Variants in TRMT11 observed in about 807,000 individuals in gnomAD.
TRMT11 encodes tRNA methyltransferase 11.
TRMT11 carries 53 observed loss-of-function variants against 62.8 expected under a neutral mutation model. The ratio of observed to expected loss-of-function variants is 0.84; its 90% CI spans 0.68 to 1.06. The LOEUF (loss-of-function observed/expected upper bound fraction) is 1.06, where lower values mean the gene tolerates loss of function less well. TRMT11 is among the 50% of genes least tolerant of loss of function. The probability of loss-of-function intolerance (pLI) is 0.00; values close to 1 mark genes in which losing one functional copy is unlikely to be tolerated. For synonymous variants in TRMT11, 188 were observed against 190.3 expected, an observed-to-expected ratio of 0.99 and a Z score of 0.10; for missense variants, 556 against 553.4, an observed-to-expected ratio of 1.00 and a Z score of -0.05.
chr6:126,159,382 A>G (rs967794682), intron 21 of TRMT11, among the ~76,000 whole-genome samples: 1 of 152,178 alleles, frequency 6.6e-6, no homozygotes, highest in Admixed American at 6.5e-5. Context: ...AGCCATAGAC[A>G]ATGCGTAAAC....
At chr6:126,012,688 A>G (rs1466321147) in intron 9 of TRMT11, 83 bp from the exon 10 acceptor site, 3 of 966,882 alleles carry the variant, frequency 3.1e-6, no homozygotes, top group African/African-American at 3.2e-5. Context: ...AGGGTGTCAC[A>G]TTTGAAGGCA....
At chr6:126,091,531 G>C (rs1241594548) in intron 17 of TRMT11, among the ~76,000 whole-genome samples, 1 of 151,998 alleles carries the variant, frequency 6.6e-6, no homozygotes, top group Non-Finnish European at 1.5e-5. Flanking sequence ...TGTGTTGGGG[G>C]AGGTGGCTGC....
At chr6:126,187,579 T>A (rs1446584342) in intron 1 of TRMT11, among the ~76,000 whole-genome samples, 1 of 152,026 alleles carries the variant, frequency 6.6e-6, no homozygotes, top group Admixed American at 6.6e-5. Flanking sequence ...CATACTTTTT[T>A]GGAGAAATGA....
At chr6:126,158,838 A>C (rs1463452597) in intron 21 of TRMT11, among the ~76,000 whole-genome samples, 2 of 152,104 alleles carry the variant, frequency 1.3e-5, no homozygotes, top group Non-Finnish European at 2.9e-5. Flanking sequence ...TACTGTGGGA[A>C]GTTCTAGATG....
At chr6:126,073,040 G>A (rs1167557887) in intron 17 of TRMT11, among the ~76,000 whole-genome samples, 2 of 152,148 alleles carry the variant, frequency 1.3e-5, no homozygotes, top group African/African-American at 4.8e-5. Context: ...ATGAAATGAT[G>A]CAATCTTTGG....
chr6:126,236,543 T>C, the TRMT11 span, among the ~76,000 whole-genome samples: 1 of 152,218 alleles, frequency 6.6e-6, no homozygotes, highest in Non-Finnish European at 1.5e-5. Context: ...ACGAATTCTT[T>C]CTAATCATTT....
At position 126,146,929 on chromosome 6, in the gene TRMT11, C is replaced by T. The variant is rs1449351801; in HGVS notation, c.*1824-27896C>T. 1.0e-4 allele frequency among the ~76,000 whole-genome samples: 4 copies of T among 39,870 alleles called. 1 individual carries two copies. The highest frequency in any genetic ancestry group is 4.8e-4 in the African/African-American group (4 of 8,344). 26.2% of individuals were successfully genotyped at this position (39,870 alleles called of 152,430 possible). ...GATTATTAGACATAATGTCAAGATG[C>T]TCATATTCTGCTTAGGGGTTAAAAT... On this transcript the variant is annotated intron_variant and NMD_transcript_variant, in intron 21 of 22. Transcript: ENST00000648977.
At chr6:126,260,262 C>T in the TRMT11 span, among the ~76,000 whole-genome samples, 2 of 152,072 alleles carry the variant, frequency 1.3e-5, no homozygotes, top group Admixed American at 1.3e-4. Flanking sequence ...AAGAGTCTTG[C>T]CAAAATAGAC....
intron 17 of TRMT11, among the ~76,000 whole-genome samples, chr6:126,076,751 G>A (rs916091951): frequency 6.6e-6 from 1 of 152,116 alleles, no homozygotes; most frequent in Non-Finnish European, 1.5e-5. Flanking sequence ...AATGTCCTGT[G>A]TGTGTCTCTC....
the TRMT11 span, among the ~76,000 whole-genome samples, chr6:126,234,356 T>G: frequency 6.6e-5 from 10 of 152,154 alleles, no homozygotes; most frequent in Non-Finnish European, 1.0e-4. Flanking sequence ...AGGTGGAGTT[T>G]TATTTACTAT....
chr6:126,105,172 A>G (rs980079061), intron 17 of TRMT11, among the ~76,000 whole-genome samples: 2 of 152,178 alleles, frequency 1.3e-5, no homozygotes, highest in Admixed American at 6.5e-5. Context: ...ATTTTATACA[A>G]TTGAAACATT....
intron 21 of TRMT11, among the ~76,000 whole-genome samples, chr6:126,152,990 G>A (rs1056281598): frequency 2.0e-5 from 3 of 152,118 alleles, no homozygotes; most frequent in Admixed American, 6.5e-5. Flanking sequence ...TTTCTTACAC[G>A]CTCAGATACT....
At chr6:126,038,125 T>C (rs1003676850) in intron 12 of TRMT11, among the ~76,000 whole-genome samples, 8 of 152,190 alleles carry the variant, frequency 5.3e-5, no homozygotes, top group African/African-American at 1.7e-4. Flanking sequence ...TCCTTACTTG[T>C]CTGTGAAGTC....
intron 7 of TRMT11, among the ~76,000 whole-genome samples, chr6:126,005,360 C>T (rs1480294007): frequency 6.6e-6 from 1 of 151,984 alleles, no homozygotes; most frequent in African/African-American, 2.4e-5. Flanking sequence ...AATCTTTTTA[C>T]CAATTAGTAT....
At position 126,051,402 on chromosome 6, in the gene TRMT11, G is replaced by A. The variant is rs573688256; in HGVS notation, c.*1370-1721G>A. 1.3e-4 allele frequency among the ~76,000 whole-genome samples: 20 copies of A among 152,294 alleles called. No individual in the cohort carries two copies. The East Asian group carries it at 3.1e-3, about 24-fold the overall frequency. ...GGGATCAACAATATAAAGTCAGAGA[G>A]TAAGGCAGGAAGGGGTTTGCATTTC... On this transcript the variant is annotated intron_variant and NMD_transcript_variant, in intron 16 of 22. Transcript: ENST00000648977.
At chr6:126,153,584 A>T (rs1431961787) in intron 21 of TRMT11, among the ~76,000 whole-genome samples, 1 of 152,250 alleles carries the variant, frequency 6.6e-6, no homozygotes, top group African/African-American at 2.4e-5. Flanking sequence ...ATTCTTTAAA[A>T]AATTCTGCCA....
chr6:126,195,165 T>A (rs1778650718), intron 1 of TRMT11, among the ~76,000 whole-genome samples: 1 of 152,184 alleles, frequency 6.6e-6, no homozygotes, highest in East Asian at 1.9e-4. Flanking sequence ...TAATTCAGAT[T>A]ACACAAAGCT....
chr6:126,217,871 A>G, the TRMT11 span, among the ~76,000 whole-genome samples: 3 of 152,090 alleles, frequency 2.0e-5, no homozygotes, highest in African/African-American at 7.2e-5. Flanking sequence ...GAGTCCAGAG[A>G]TGCCACTTGG....
At chr6:126,206,287 A>G (rs1338783823), downstream of TRMT11, among the ~76,000 whole-genome samples, 2 of 152,188 alleles carry the variant, frequency 1.3e-5, no homozygotes, top group African/African-American at 4.8e-5. Flanking sequence ...TTTAATGTCT[A>G]TGGGGATCTT....
Sources: allele counts gnomAD v4.1 joint callset (sites outside exome capture counted in the v4.1 genomes callset), GRCh38; gene constraint gnomAD v4.1.1; transcripts MANE v1.5; gene names NCBI Gene and HGNC (gene_info 2026-07-23, HGNC 2026-07-21).